SLC6A3: variants seen among roughly 807,000 people sequenced by gnomAD.
SLC6A3 encodes the protein sodium-dependent dopamine transporter.
In SLC6A3, 19 loss-of-function variants were observed where a neutral mutation model predicts 70.4. The observed-to-expected ratio is 0.27, with a 90% CI of 0.19 to 0.40. SLC6A3 has a LOEUF of 0.40. Among genes scored for constraint, SLC6A3 ranks in the 10% least tolerant of loss-of-function variants. SLC6A3 has a pLI of 1.00. For synonymous variants in SLC6A3, 368 were observed against 356.6 expected (o/e 1.03, Z -0.36); for missense variants, 613 against 838.5 (o/e 0.73, Z 3.32).
Position 1,405,487 on chromosome 5 carries a change from G to A in SLC6A3, c.1599+701C>T, listed in dbSNP as rs568745302. The stretch of plus-strand genomic sequence containing the variant: ...GTGCTTCTCTACGTGAGCAGCTCAC[G>A]GGACACTCTGCTTAGACTTGGACAG... On this transcript the variant is annotated intron_variant, in intron 12 of 14. Coordinates refer to ENST00000270349, the MANE Select transcript of SLC6A3 (RefSeq NM_001044.5). This position sits in a 1 kb window ranked among gnomAD's most constrained non-coding sequence, Gnocchi z 5.3. Among the ~76,000 whole-genome samples the A allele has an allele frequency of 2.0e-5, 3 of 152,326 alleles. No homozygotes were observed. The highest frequency in any genetic ancestry group is 7.2e-5 in the African/African-American group (3 of 41,570).
Position 1,441,506 on chromosome 5 carries a change from G to T in SLC6A3, c.287-16C>A, listed in dbSNP as rs752277056. On this transcript the variant is annotated splice_polypyrimidine_tract_variant and intron_variant, in intron 2 of 14. Coordinates refer to ENST00000270349, the MANE Select transcript of SLC6A3 (RefSeq NM_001044.5). ...AGGAAGGCACCTGTGGGGCAGAAAA[G>T]CACCTTTAGTTTGGGGCCTCGGAAG... 16 of 1,613,336 alleles carry T rather than the reference G, an allele frequency of 9.9e-6. No individual in the cohort carries two copies. The highest frequency in any genetic ancestry group is 2.2e-5 in the South Asian group (2 of 91,066).
At chr5:1,395,252 C>T (rs1292697715) in intron 14 of SLC6A3, among the ~76,000 whole-genome samples, 1 of 152,238 alleles carries the variant, frequency 6.6e-6, no homozygotes, top group Non-Finnish European at 1.5e-5. Flanking sequence ...GGCGCAAGTG[C>T]AGCGTGTACT....
At chr5:1,427,522 GC>G (rs1157782971) in intron 4 of SLC6A3, among the ~76,000 whole-genome samples, 7 of 152,218 alleles carry the variant, frequency 4.6e-5, no homozygotes, top group Non-Finnish European at 8.8e-5. Flanking sequence ...AGCCAGCCAT[GC>G]TGACAATTAT....
intron 3 of SLC6A3, among the ~76,000 whole-genome samples, chr5:1,440,814 C>T (rs917135053): frequency 6.6e-6 from 1 of 152,238 alleles, no homozygotes; most frequent in Non-Finnish European, 1.5e-5. Context: ...ACCCTACAGA[C>T]ACCTTGATCT....
At chr5:1,419,408 C>T (rs1756384248) in intron 6 of SLC6A3, among the ~76,000 whole-genome samples, 1 of 152,236 alleles carries the variant, frequency 6.6e-6, no homozygotes, top group African/African-American at 2.4e-5. Flanking sequence ...GACATCTCAT[C>T]TTTGTAATTT....
chr5:1,433,393 C>T lies in SLC6A3; in HGVS notation c.419-695G>A, dbSNP rs1183720150. Reference sequence around the variant, plus strand: ...GACAGCCATCCACAGCCACCAGGCTCATTCAGGACTATGGAGGGCACCCAG... The same window carrying T: ...GACAGCCATCCACAGCCACCAGGCTTATTCAGGACTATGGAGGGCACCCAG... On this transcript the variant is annotated intron_variant, in intron 3 of 14. Coordinates refer to ENST00000270349, the MANE Select transcript of SLC6A3 (RefSeq NM_001044.5). Among the ~76,000 whole-genome samples the T allele has an allele frequency of 3.3e-5, 5 of 152,060 alleles. No individual in the cohort carries two copies. The East Asian group carries it at 7.7e-4, about 24-fold the overall frequency.
intron 6 of SLC6A3, among the ~76,000 whole-genome samples, chr5:1,416,979 G>A (rs1045268854): frequency 2.4e-4 from 36 of 151,602 alleles, no homozygotes; most frequent in African/African-American, 7.0e-4. Context: ...CAACATGACC[G>A]CGGCGCCCTG....
chr5:1,439,694 G>C (rs1756927266), intron 3 of SLC6A3, among the ~76,000 whole-genome samples: 1 of 152,254 alleles, frequency 6.6e-6, no homozygotes, highest in South Asian at 2.1e-4. Context: ...GAACTTCTAT[G>C]AGTATCCAGA....
chr5:1,442,818 C>T lies in SLC6A3; in HGVS notation c.286+94G>A. The T allele has an allele frequency of 7.7e-7, 1 of 1,299,066 alleles. No homozygotes were observed. The highest frequency in any genetic ancestry group is 1.1e-6 in the Non-Finnish European group (1 of 898,776). 80.5% of individuals were successfully genotyped at this position (1,299,066 alleles called of 1,614,324 possible). A position where few individuals can be genotyped will look rare whatever the true frequency, so the allele number is the denominator to read the frequency against. ...GGAGCTCCGTCTTCACGCATGGGAA[C>T]AGCTTCATCTCGTTTCCGTACGTGC... On this transcript the variant is annotated intron_variant, in intron 2 of 14. Coordinates refer to ENST00000270349, the MANE Select transcript of SLC6A3 (RefSeq NM_001044.5). This position sits in a 1 kb window ranked among gnomAD's most constrained non-coding sequence, Gnocchi z 5.0.
At chr5:1,398,360 C>CAAAAA (rs57135183) in intron 14 of SLC6A3, among the ~76,000 whole-genome samples, 19 of 69,070 alleles carry the variant, frequency 2.8e-4, no homozygotes, top group African/African-American at 9.0e-4. Flanking sequence ...GACTCCACCT[C>CAAAAA]AAAAAAAAAA....
At position 1,400,998 on chromosome 5, in the gene SLC6A3, A is replaced by G. The variant is rs1328565163; in HGVS notation, c.1768-12T>C. On this transcript the variant is annotated splice_polypyrimidine_tract_variant and intron_variant, in intron 13 of 14. Transcript: ENST00000270349. ...GCGTAGGCCAGTTTCTGAAAGAGAA[A>G]GAGAGTGCAGGGGTCAGTGCAGACC... is the stretch of plus-strand genomic sequence containing the variant. 6.3e-7 allele frequency: 1 copy of G among 1,586,848 alleles called. No homozygotes were observed. The highest frequency in any genetic ancestry group is 1.7e-5 in the Admixed American group (1 of 57,642).
Position 1,408,266 on chromosome 5 carries a change from T to G in SLC6A3, c.1498+760A>C, listed in dbSNP as rs1371531196. On this transcript the variant is annotated intron_variant, in intron 11 of 14. Coordinates refer to ENST00000270349, the MANE Select transcript of SLC6A3 (RefSeq NM_001044.5). This position sits in a 1 kb window ranked among gnomAD's most constrained non-coding sequence, Gnocchi z 6.4. ...ACCATGTTGGCCAGGATGGTCTTGA[T>G]CTCTTGATCTCGTGATCTGCCCACC... is the stretch of plus-strand genomic sequence containing the variant. Among the ~76,000 whole-genome samples the G allele has an allele frequency of 6.6e-6, 1 of 150,958 alleles. No homozygotes were observed. Among genetic ancestry groups the G allele is most frequent in the Non-Finnish European group, 1.5e-5 (1 of 67,778 alleles).
chr5:1,411,387 G>A lies in SLC6A3; in HGVS notation c.1157-32C>T, dbSNP rs1258932963. On this transcript the variant is annotated intron_variant, in intron 8 of 14. Transcript: ENST00000270349. The surrounding 1 kb of genome is among the most constrained non-coding windows in gnomAD (Gnocchi z 6.5). ...CAGAACCCGCCCTGCTTGCCACAGA[G>A]CCCACGCTGTGCTCTCCCGCCCATC... 1.3e-6 allele frequency: 2 copies of A among 1,490,532 alleles called. No homozygotes were observed. Among genetic ancestry groups the A allele is most frequent in the East Asian group, 2.5e-5 (1 of 40,670 alleles). The allele number at this position is 1,490,532 out of a possible 1,614,324, so 92.3% of individuals were successfully genotyped here.
Position 1,436,670 on chromosome 5 carries a change from C to T in SLC6A3, c.419-3972G>A, listed in dbSNP as rs1473776256. 6.6e-6 allele frequency among the ~76,000 whole-genome samples: 1 copy of T among 152,158 alleles called. No homozygotes were observed. The highest frequency in any genetic ancestry group is 2.4e-5 in the African/African-American group (1 of 41,420). On this transcript the variant is annotated intron_variant, in intron 3 of 14. Coordinates refer to ENST00000270349, the MANE Select transcript of SLC6A3 (RefSeq NM_001044.5). This position sits in a 1 kb window ranked among gnomAD's most constrained non-coding sequence, Gnocchi z 5.2. The stretch of plus-strand genomic sequence containing the variant: ...TAAAATATTTTATATTCAATACAAT[C>T]GAATGGTGGGGTTTCCAGGGCGTCT...
rs573249995 is a variant in SLC6A3, at chr5:1,424,077, G to A, written c.654-2063C>T. Reference sequence around the variant, plus strand: ...GGAAGGCCCCACGAGCCCTGAAAGCGCTGGACAGTGCCTCCGTCCTATCCT... The same window carrying A: ...GGAAGGCCCCACGAGCCCTGAAAGCACTGGACAGTGCCTCCGTCCTATCCT... On this transcript the variant is annotated intron_variant, in intron 4 of 14. Coordinates refer to ENST00000270349, the MANE Select transcript of SLC6A3 (RefSeq NM_001044.5). Among the ~76,000 whole-genome samples, 296 of 152,332 alleles carry A rather than the reference G, an allele frequency of 1.9e-3. 2 individuals carry two copies. Among genetic ancestry groups the A allele is most frequent in the Non-Finnish European group, 2.9e-3 (199 of 68,020 alleles).
At chr5:1,414,484 T>TGGGTGGGGAGCCG (rs1560913014) in intron 8 of SLC6A3, among the ~76,000 whole-genome samples, 1 of 21,454 alleles carries the variant, frequency 4.7e-5, no homozygotes, top group African/African-American at 2.1e-4. Flanking sequence ...GTGGGGGGCC[T>TGGGTGGGGAGCCG]GGAGGGTCAG....
Position 1,442,898 on chromosome 5 carries a change from G to A in SLC6A3, c.286+14C>T. On this transcript the variant is annotated intron_variant, in intron 2 of 14. Coordinates refer to ENST00000270349, the MANE Select transcript of SLC6A3 (RefSeq NM_001044.5). The surrounding 1 kb of genome is among the most constrained non-coding windows in gnomAD (Gnocchi z 5.0). ...CCCGGCCAGCATGCTCAGGGAGGCT[G>A]AGATGGGACTTACCGCCACCATTTT... 6.2e-7 allele frequency: 1 copy of A among 1,614,108 alleles called. No homozygotes were observed. The highest frequency in any genetic ancestry group is 8.5e-7 in the Non-Finnish European group (1 of 1,179,976).
At chr5:1,431,319 A>T (rs963781217) in intron 4 of SLC6A3, among the ~76,000 whole-genome samples, 3 of 152,234 alleles carry the variant, frequency 2.0e-5, no homozygotes, top group African/African-American at 7.2e-5. Flanking sequence ...AAAGGACTTC[A>T]TCGGAGACAT....
At chr5:1,435,264 G>C (rs543710683) in intron 3 of SLC6A3, among the ~76,000 whole-genome samples, 4 of 152,182 alleles carry the variant, frequency 2.6e-5, no homozygotes, top group Admixed American at 2.6e-4. Context: ...CCACACTGTC[G>C]GTGAGCCACA....
Sources: allele counts gnomAD v4.1 joint callset (sites outside exome capture counted in the v4.1 genomes callset), GRCh38; gene constraint gnomAD v4.1.1; non-coding constraint Gnocchi (gnomAD v3.1); transcripts MANE v1.5; gene names NCBI Gene and HGNC (gene_info 2026-07-23, HGNC 2026-07-21).